The following FBXL14 variants were observed in gnomAD, a reference collection of about 807,000 sequenced individuals.
FBXL14 encodes the protein F-box and leucine rich repeat protein 14, also known as F-box/LRR-repeat protein 14.
FBXL14 carries 11 observed loss-of-function variants against 24.5 expected under a neutral mutation model. The observed-to-expected ratio is 0.45, with a 90% confidence interval of 0.28 to 0.74. FBXL14 has a LOEUF of 0.74. Ranked by LOEUF, FBXL14 falls within the 30% of genes least tolerant of loss-of-function variation. The probability of loss-of-function intolerance (pLI) is 0.12; values close to 1 mark genes in which losing one functional copy is unlikely to be tolerated. For missense variants in FBXL14, 384 were observed against 545.6 expected, an observed-to-expected ratio of 0.70 and a Z score of 2.95; for synonymous variants, 294 against 240.4, an observed-to-expected ratio of 1.22 and a Z score of -2.06.
chr12:1,574,696 C>T, intron 1 of FBXL14: 1 of 172,840 alleles, frequency 5.8e-6, no homozygotes, highest in Non-Finnish European at 1.2e-5. Flanking sequence ...CCTCAGGAAG[C>T]TTCGCAGTCC....
rs1256607846 is a variant in FBXL14, at chr12:1,594,040, G to A, written c.27C>T (p.Phe9=). 5 of 1,549,254 alleles carry A rather than the reference G, an allele frequency of 3.2e-6. No homozygotes were observed. The highest frequency in any genetic ancestry group is 3.7e-5 in the Admixed American group (2 of 53,608). ...CGAAGATCATGGCCAGCAGCTCCGG[G>A]AACAGGCATGAGATGTGGGTCTCCA... is the stretch of plus-strand genomic sequence containing the variant. METHISCL[F]PELLAMIFGY... is the part of the protein sequence containing the mutation. Residue 9 remains phenylalanine, a synonymous_variant, in exon 1 of 2, where the codon TTC becomes TTT. Transcript: ENST00000339235.
rs1303483127 is a variant in FBXL14, at chr12:1,594,290, G to T, written c.-224C>A. The T allele has an allele frequency of 6.2e-6, 1 of 161,658 alleles. No individual in the cohort carries two copies. Among genetic ancestry groups the T allele is most frequent in the African/African-American group, 2.5e-5 (1 of 40,624 alleles). The allele number at this position is 161,658 out of a possible 1,614,324, so 10.0% of individuals were successfully genotyped here. On this transcript the variant is annotated 5_prime_UTR_variant, in exon 1 of 2. Coordinates refer to ENST00000339235, the MANE Select transcript of FBXL14 (RefSeq NM_152441.3). The stretch of plus-strand genomic sequence containing the variant: ...TTCCTGCCGGCTGCGCCTCCGGCCC[G>T]GCCCTCCCCCGCCCCGGGCTCCGCA...
chr12:1,585,703 G>A (rs2094475201), intron 1 of FBXL14, among the ~76,000 whole-genome samples: 1 of 152,200 alleles, frequency 6.6e-6, no homozygotes, highest in Non-Finnish European at 1.5e-5. Flanking sequence ...GTAAATGGGG[G>A]AGTAATAAAT....
chr12:1,583,540 T>G (rs1380628730), intron 1 of FBXL14, among the ~76,000 whole-genome samples: 2 of 152,240 alleles, frequency 1.3e-5, no homozygotes, highest in Admixed American at 1.3e-4. Flanking sequence ...TGTCAACTCT[T>G]ACGCCTGGAG....
chr12:1,577,511 C>T (rs2094458181), intron 1 of FBXL14, among the ~76,000 whole-genome samples: 1 of 152,186 alleles, frequency 6.6e-6, no homozygotes. Flanking sequence ...TTTTTTAACC[C>T]TGCGGTGTGA....
chr12:1,575,270 T>C (rs572317807), intron 1 of FBXL14, among the ~76,000 whole-genome samples: 11 of 152,378 alleles, frequency 7.2e-5, no homozygotes, highest in Non-Finnish European at 1.5e-4. Context: ...AAAAGTAGTT[T>C]GGATGATTAA....
At chr12:1,585,230 C>A (rs1250462699) in intron 1 of FBXL14, among the ~76,000 whole-genome samples, 1 of 151,984 alleles carries the variant, frequency 6.6e-6, no homozygotes, top group Non-Finnish European at 1.5e-5. Context: ...AACCCCGTCT[C>A]TACTAAAAAT....
In FBXL14 at chr12:1,574,911, A is replaced by ATTT. The variant is rs1565583477; in HGVS notation, c.1195-8102_1195-8101insAAA. 1,115 of 128,114 alleles carry ATTT rather than the reference A, an allele frequency of 8.7e-3. 17 individuals are homozygous for ATTT. Among genetic ancestry groups the ATTT allele is most frequent in the African/African-American group, 0.035 (1,025 of 29,510 alleles). 7.9% of individuals were successfully genotyped at this position (128,114 alleles called of 1,614,324 possible). On this transcript the variant is annotated intron_variant, in intron 1 of 1. Transcript: ENST00000339235. ...TTTGAGAAGTTAGGAGCTTTTTTTA[A>ATTT]AAAAAAAAATTATCTTTGATAAATT...
At chr12:1,570,275 G>C (rs2094443160) in intron 1 of FBXL14, among the ~76,000 whole-genome samples, 1 of 152,232 alleles carries the variant, frequency 6.6e-6, no homozygotes, top group Admixed American at 6.5e-5. Context: ...TCACACCGGT[G>C]ATGGACGTGG....
At position 1,567,903 on chromosome 12, in the gene FBXL14, G is replaced by A. The variant is rs147543371; in HGVS notation, c.1195-1093C>T. Among the ~76,000 whole-genome samples, 5 of 152,324 alleles carry A rather than the reference G, an allele frequency of 3.3e-5. No homozygotes were observed. The highest frequency in any genetic ancestry group is 3.9e-4 in the East Asian group (2 of 5,182). On this transcript the variant is annotated intron_variant, in intron 1 of 1. Transcript: ENST00000339235. This position sits in a 1 kb window ranked among gnomAD's most constrained non-coding sequence, Gnocchi z 4.8. ...CACGCACACGCGCGCACACACGTGCGCACACACACAGAACAGAATATCCAA... is the reference window on the plus strand; with the variant it reads ...CACGCACACGCGCGCACACACGTGCACACACACACAGAACAGAATATCCAA...
rs2107525 is a variant in FBXL14 at position 1,567,953 on chromosome 12, T to C, written c.1195-1143A>G. On this transcript the variant is annotated intron_variant, in intron 1 of 1. Coordinates refer to ENST00000339235, the MANE Select transcript of FBXL14 (RefSeq NM_152441.3). This position sits in a 1 kb window ranked among gnomAD's most constrained non-coding sequence, Gnocchi z 4.8. The stretch of plus-strand genomic sequence containing the variant: ...AGAACTGTGGGACATCTACAAAAGG[T>C]GTAGCATGTGTAATGGGAATACCAG... Among the ~76,000 whole-genome samples, 55,954 of 152,038 alleles carry C rather than the reference T, an allele frequency of 0.37. 10,789 individuals are homozygous for C. The highest frequency in any genetic ancestry group is 0.45 in the African/African-American group (18,811 of 41,470).
chr12:1,590,157 A>G (rs1466832585), intron 1 of FBXL14, among the ~76,000 whole-genome samples: 3 of 150,758 alleles, frequency 2.0e-5, no homozygotes, highest in African/African-American at 7.3e-5. Flanking sequence ...TTTTTTTTCC[A>G]GGCATTAAGC....
intron 1 of FBXL14, among the ~76,000 whole-genome samples, chr12:1,571,932 C>G (rs947412228): frequency 2.0e-5 from 3 of 152,232 alleles, no homozygotes. Flanking sequence ...GAAGACAGTT[C>G]TGTGCTCTAG....
chr12:1,568,826 C>A (rs542831664), intron 1 of FBXL14, among the ~76,000 whole-genome samples: 24 of 152,202 alleles, frequency 1.6e-4, no homozygotes, highest in African/African-American at 5.1e-4. Flanking sequence ...ACGCCATTGC[C>A]CTCCAGCCTG....
At chr12:1,592,780 G>T in intron 1 of FBXL14, 93 bp downstream of exon 1, 1 of 1,089,716 alleles carries the variant, frequency 9.2e-7, no homozygotes, top group Non-Finnish European at 1.3e-6. Context: ...AATGATCTGT[G>T]CGTAAGTGTG....
At position 1,579,509 on chromosome 12, in the gene FBXL14, G is replaced by A. The variant is rs1301143972; in HGVS notation, c.1195-12699C>T. ...CGCACACCTGTAATCCCAGCTACTCGAGAGGCTGAGGTGGGAGAATCGCTT... is the reference window on the plus strand; with the variant it reads ...CGCACACCTGTAATCCCAGCTACTCAAGAGGCTGAGGTGGGAGAATCGCTT... On this transcript the variant is annotated intron_variant, in intron 1 of 1. Transcript: ENST00000339235. This position sits in a 1 kb window ranked among gnomAD's most constrained non-coding sequence, Gnocchi z 4.3. 6.6e-6 allele frequency among the ~76,000 whole-genome samples: 1 copy of A among 151,426 alleles called. No homozygotes were observed. Among genetic ancestry groups the A allele is most frequent in the Non-Finnish European group, 1.5e-5 (1 of 67,944 alleles).
At chr12:1,585,140 T>G (rs941335965) in intron 1 of FBXL14, among the ~76,000 whole-genome samples, 42 of 152,216 alleles carry the variant, frequency 2.8e-4, no homozygotes, top group African/African-American at 9.6e-4. Flanking sequence ...GGCTCACGCC[T>G]GTCATCCCAG....
At chr12:1,578,246 A>G (rs75561180) in intron 1 of FBXL14, among the ~76,000 whole-genome samples, 14,447 of 152,262 alleles carry the variant, frequency 0.095, 956 homozygotes, top group Non-Finnish European at 0.14. Context: ...AACATTTTCA[A>G]TGGCCCTGAA....
intron 1 of FBXL14, among the ~76,000 whole-genome samples, chr12:1,589,235 C>CCA (rs745409530): frequency 1.6e-5 from 2 of 126,128 alleles, no homozygotes; most frequent in Non-Finnish European, 3.2e-5. Flanking sequence ...AAAAAAAATA[C>CCA]AAAAAAAAAA....
Sources: allele counts gnomAD v4.1 joint callset (sites outside exome capture counted in the v4.1 genomes callset), GRCh38; gene constraint gnomAD v4.1.1; non-coding constraint Gnocchi (gnomAD v3.1); transcripts MANE v1.5; gene names NCBI Gene and HGNC (gene_info 2026-07-23, HGNC 2026-07-21).